PTK7: variants seen among roughly 807,000 people sequenced by gnomAD.
PTK7 encodes the protein inactive tyrosine-protein kinase 7.
In PTK7, 39 loss-of-function variants were observed where a neutral mutation model predicts 116.6. The ratio of observed to expected loss-of-function variants is 0.33; its 90% confidence interval spans 0.26 to 0.44. The LOEUF (loss-of-function observed/expected upper bound fraction) is 0.44, where lower values mean the gene tolerates loss of function less well. PTK7 is among the 20% of genes least tolerant of loss of function. PTK7 has a pLI of 1.00. For missense variants in PTK7, 1,169 were observed against 1,425.6 expected, an observed-to-expected ratio of 0.82 and a Z score of 2.90; for synonymous variants, 546 against 563.6, an observed-to-expected ratio of 0.97 and a Z score of 0.44.
chr6:43,111,420 C>T (rs1768187552), intron 1 of PTK7, among the ~76,000 whole-genome samples: 1 of 152,146 alleles, frequency 6.6e-6, no homozygotes, highest in Non-Finnish European at 1.5e-5. Flanking sequence ...CTTAGCATCT[C>T]CAAATGGTCT....
At position 43,076,593 on chromosome 6, in the gene PTK7, A is replaced by G; in HGVS notation, c.79+26A>G. The G allele has an allele frequency of 1.9e-6, 3 of 1,565,104 alleles. No homozygotes were observed. The South Asian group carries it at 3.5e-5, about 19-fold the overall frequency. The stretch of plus-strand genomic sequence containing the variant: ...GTGAGTACCCGAGAGTTGGGGGCAC[A>G]GAGCTTGGGAAGCGCGGGAGTCCCG... On this transcript the variant is annotated intron_variant, in intron 1 of 19. Coordinates refer to ENST00000230419, the MANE Select transcript of PTK7 (RefSeq NM_002821.5). The surrounding 1 kb of genome is among the most constrained non-coding windows in gnomAD (Gnocchi z 5.7).
chr6:43,098,646 G>A (rs1241456217), intron 1 of PTK7, among the ~76,000 whole-genome samples: 1 of 152,108 alleles, frequency 6.6e-6, no homozygotes, highest in Non-Finnish European at 1.5e-5. Flanking sequence ...GTGAGCCACC[G>A]CGTCCTGCCA....
intron 17 of PTK7, among the ~76,000 whole-genome samples, chr6:43,149,544 T>C (rs1770950374): frequency 6.6e-6 from 1 of 152,140 alleles, no homozygotes; most frequent in South Asian, 2.1e-4. Context: ...GCTTTTTGAT[T>C]ATAATCCCTT....
intron 1 of PTK7, among the ~76,000 whole-genome samples, chr6:43,078,053 CT>C (rs1365306292): frequency 1.3e-5 from 2 of 152,372 alleles, no homozygotes; most frequent in African/African-American, 4.8e-5. Flanking sequence ...CACAGGCCCC[CT>C]GGCTGTCCTG....
chr6:43,136,876 C>T (rs1042217497), intron 7 of PTK7, among the ~76,000 whole-genome samples: 2 of 152,020 alleles, frequency 1.3e-5, no homozygotes, highest in East Asian at 1.9e-4. Context: ...TGGTGGTACG[C>T]GCCTGTGGTC....
rs370120316 is a variant in PTK7 at position 43,155,900 on chromosome 6, T to C, written c.2722-2917T>C. On this transcript the variant is annotated intron_variant, in intron 17 of 19. Coordinates refer to ENST00000230419, the MANE Select transcript of PTK7 (RefSeq NM_002821.5). ...GTGTTCATAATAACGCTGTTCTTAATAGCCCCAAACTGGAAACAACCCATT... is the reference window on the plus strand; with the variant it reads ...GTGTTCATAATAACGCTGTTCTTAACAGCCCCAAACTGGAAACAACCCATT... Among the ~76,000 whole-genome samples, 36 of 152,216 alleles carry C rather than the reference T, an allele frequency of 2.4e-4. 1 individual carries two copies. The East Asian group carries it at 2.5e-3, about 11-fold the overall frequency.
chr6:43,147,705 T>C (rs1432481837), intron 17 of PTK7, among the ~76,000 whole-genome samples: 1 of 152,198 alleles, frequency 6.6e-6, no homozygotes, highest in African/African-American at 2.4e-5. Flanking sequence ...AGCAGCTCTG[T>C]GCCCTTCAGG....
At chr6:43,134,958 T>C (rs1769939748) in intron 7 of PTK7, among the ~76,000 whole-genome samples, 1 of 151,794 alleles carries the variant, frequency 6.6e-6, no homozygotes, top group South Asian at 2.1e-4. Flanking sequence ...CAAAAAAATG[T>C]CTAAGACATT....
At chr6:43,099,956 T>A (rs1290148709) in intron 1 of PTK7, among the ~76,000 whole-genome samples, 2 of 152,142 alleles carry the variant, frequency 1.3e-5, no homozygotes, top group African/African-American at 4.8e-5. Context: ...GGCACGATTC[T>A]CCTGCCTCAG....
intron 1 of PTK7, among the ~76,000 whole-genome samples, chr6:43,081,279 G>A (rs1338596251): frequency 1.3e-5 from 2 of 152,174 alleles, no homozygotes; most frequent in African/African-American, 2.4e-5. Context: ...TCATTCTTGC[G>A]ACACCATCCA....
In PTK7 at chr6:43,145,016, A is replaced by G. The variant is rs578229234; in HGVS notation, c.2408-184A>G. ...TTGGAAAATGCTGAATATTAGTCCC[A>G]CCCTTTTATTTTGTTGCTGCAGACA... On this transcript the variant is annotated intron_variant, in intron 15 of 19. Coordinates refer to ENST00000230419, the MANE Select transcript of PTK7 (RefSeq NM_002821.5). This position sits in a 1 kb window ranked among gnomAD's most constrained non-coding sequence, Gnocchi z 4.8. The G allele has an allele frequency of 2.0e-5, 10 of 503,070 alleles. No homozygotes were observed. Among genetic ancestry groups the G allele is most frequent in the African/African-American group, 1.9e-4 (10 of 52,922 alleles). The allele number at this position is 503,070 out of a possible 1,614,324, so 31.2% of individuals were successfully genotyped here. A position where few individuals can be genotyped will look rare whatever the true frequency, so the allele number is the denominator to read the frequency against.
chr6:43,082,214 C>T (rs1245078985), intron 1 of PTK7, among the ~76,000 whole-genome samples: 8 of 152,236 alleles, frequency 5.3e-5, no homozygotes, highest in East Asian at 1.9e-4. Context: ...CTCACTCTGT[C>T]GCCCAGGCTG....
chr6:43,097,133 C>T (rs905732026), intron 1 of PTK7, among the ~76,000 whole-genome samples: 28 of 152,302 alleles, frequency 1.8e-4, no homozygotes, highest in East Asian at 1.9e-4. Flanking sequence ...CCTCCTCCTG[C>T]GCGGTTGCTT....
At position 43,131,851 on chromosome 6, in the gene PTK7, G is replaced by A. The variant is rs148568921; in HGVS notation, c.813-165G>A. 3.2e-4 allele frequency: 282 copies of A among 893,158 alleles called. No homozygotes were observed. The African/African-American group carries it at 4.0e-3, about 13-fold the overall frequency. 55.3% of individuals were successfully genotyped at this position (893,158 alleles called of 1,614,324 possible). On this transcript the variant is annotated intron_variant, in intron 5 of 19. Transcript: ENST00000230419. ...TGCACGTGCACCTGAGCAAGTGTAT[G>A]CAGGCACACACACCAGTCTGGAGTG...
chr6:43,117,494 G>A (rs765543237), intron 1 of PTK7, among the ~76,000 whole-genome samples: 1 of 152,226 alleles, frequency 6.6e-6, no homozygotes, highest in Non-Finnish European at 1.5e-5. Flanking sequence ...ATCACAGAAA[G>A]AAGGCAGACT....
intron 1 of PTK7, among the ~76,000 whole-genome samples, chr6:43,092,164 T>C (rs954303561): frequency 6.6e-6 from 1 of 151,534 alleles, no homozygotes; most frequent in Non-Finnish European, 1.5e-5. Flanking sequence ...CCCGGCCTAC[T>C]GTGCCTAATT....
intron 1 of PTK7, among the ~76,000 whole-genome samples, chr6:43,121,056 GT>G (rs564738874): frequency 0.31 from 37,149 of 119,468 alleles, 4,490 homozygotes; most frequent in Middle Eastern, 0.4. Context: ...CCATGTTTCT[GT>G]TTTTTTTTTT....
intron 7 of PTK7, among the ~76,000 whole-genome samples, chr6:43,138,264 G>A (rs1023212675): frequency 6.6e-6 from 1 of 152,052 alleles, no homozygotes; most frequent in African/African-American, 2.4e-5. Context: ...TCCCGCCTCG[G>A]CCTCCCAAAG....
intron 17 of PTK7, among the ~76,000 whole-genome samples, chr6:43,146,997 C>G (rs1770766358): frequency 6.6e-6 from 1 of 152,236 alleles, no homozygotes; most frequent in Non-Finnish European, 1.5e-5. Flanking sequence ...TGCCTCTGGG[C>G]AGGAGCTTGC....
Sources: allele counts gnomAD v4.1 joint callset (sites outside exome capture counted in the v4.1 genomes callset), GRCh38; gene constraint gnomAD v4.1.1; non-coding constraint Gnocchi (gnomAD v3.1); transcripts MANE v1.5; gene names NCBI Gene and HGNC (gene_info 2026-07-23, HGNC 2026-07-21).